RANBP2: variants seen among roughly 807,000 people sequenced by gnomAD.
RANBP2 encodes RAN binding protein 2, also known as E3 SUMO-protein ligase RanBP2.
RANBP2 carries 57 observed loss-of-function variants against 303.6 expected under a neutral mutation model. That is an observed-to-expected ratio of 0.19 (90% CI 0.15 to 0.23). The LOEUF (loss-of-function observed/expected upper bound fraction) is 0.23, where lower values mean the gene tolerates loss of function less well. Among genes scored for constraint, RANBP2 ranks in the 10% least tolerant of loss-of-function variants. The pLI, the probability that RANBP2 is intolerant of heterozygous loss-of-function variation, is 1.00. For missense variants in RANBP2, 3,138 were observed against 3,780.8 expected, an observed-to-expected ratio of 0.83 and a Z score of 4.46; for synonymous variants, 1,167 against 1,301.5, an observed-to-expected ratio of 0.90 and a Z score of 2.23.
the RANBP2 span, among the ~76,000 whole-genome samples, chr2:109,206,567 G>C: frequency 1.3e-5 from 2 of 149,920 alleles, no homozygotes; most frequent in African/African-American, 4.9e-5. Flanking sequence ...CCAGCAGTTT[G>C]GGAGGTCAAG....
chr2:108,939,272 C>T, the RANBP2 span, among the ~76,000 whole-genome samples: 9 of 152,030 alleles, frequency 5.9e-5, no homozygotes, highest in African/African-American at 1.4e-4. Flanking sequence ...CCGCAACCTC[C>T]GCCTCCCAGG....
At chr2:109,128,972 G>T in the RANBP2 span, 2 of 421,398 alleles carry the variant, frequency 4.7e-6, no homozygotes, top group African/African-American at 2.1e-5. Context: ...ACCTCCGCGC[G>T]CACCCCCGCG....
At chr2:108,887,209 C>A in the RANBP2 span, among the ~76,000 whole-genome samples, 1 of 151,724 alleles carries the variant, frequency 6.6e-6, no homozygotes, top group Non-Finnish European at 1.5e-5. Flanking sequence ...TGTCTTATTT[C>A]TGGTTTCTTT....
chr2:109,588,850 T>TAAAAAAAA, the RANBP2 span, among the ~76,000 whole-genome samples: 2 of 111,444 alleles, frequency 1.8e-5, no homozygotes, highest in Non-Finnish European at 3.6e-5. Flanking sequence ...CAATTACTAT[T>TAAAAAAAA]AAAAAAAAAA....
chr2:109,296,512 G>T, the RANBP2 span, among the ~76,000 whole-genome samples: 1 of 152,128 alleles, frequency 6.6e-6, no homozygotes, highest in Admixed American at 6.6e-5. Context: ...AAAATGCTGA[G>T]ATTACAGGTG....
chr2:109,144,104 G>T, the RANBP2 span, among the ~76,000 whole-genome samples: 2 of 152,204 alleles, frequency 1.3e-5, no homozygotes, highest in Non-Finnish European at 2.9e-5. Context: ...TAAGATGAAT[G>T]AATTCTGGAG....
the RANBP2 span, among the ~76,000 whole-genome samples, chr2:109,267,537 C>T: frequency 6.6e-6 from 1 of 152,168 alleles, no homozygotes; most frequent in Non-Finnish European, 1.5e-5. Flanking sequence ...CAGCCCCACT[C>T]CCTTCCAACA....
the RANBP2 span, among the ~76,000 whole-genome samples, chr2:109,406,309 T>G: frequency 0.011 from 1,610 of 152,292 alleles, 37 homozygotes; most frequent in African/African-American, 0.037. Context: ...GGGAAATGAT[T>G]GCTTACATTT....
At chr2:109,678,837 A>G in the RANBP2 span, among the ~76,000 whole-genome samples, 2 of 152,182 alleles carry the variant, frequency 1.3e-5, no homozygotes, top group Non-Finnish European at 2.9e-5. Context: ...AGAAGGCCCT[A>G]TGTGGCCGTA....
the RANBP2 span, among the ~76,000 whole-genome samples, chr2:109,731,102 A>T: frequency 6.6e-6 from 1 of 151,872 alleles, no homozygotes; most frequent in African/African-American, 2.4e-5. Context: ...GGCCTCTTTT[A>T]TAAGGGCAGT....
In RANBP2 at chr2:108,766,516, T is replaced by A. The variant is rs764514137; in HGVS notation, c.5977T>A (p.Ser1993Thr). ...YGKMANKANT[S>T]GDFEKDDDAY... is the part of the protein sequence containing the mutation. ...TAAAATGGCCAATAAAGCAAACACTTCCGGTGACTTTGAGAAAGATGATGA... is the reference window on the plus strand; with the variant it reads ...TAAAATGGCCAATAAAGCAAACACTACCGGTGACTTTGAGAAAGATGATGA... The change falls in exon 20 of 29, where the codon TCC becomes ACC. Residue 1993 changes from serine (S) to threonine (T), a missense_variant. Physicochemically the swap from Ser to Thr is moderately conservative, Grantham distance 58. Coordinates refer to ENST00000283195, the MANE Select transcript of RANBP2 (RefSeq NM_006267.5). 11 of 1,611,814 alleles carry A rather than the reference T, an allele frequency of 6.8e-6. No homozygotes were observed. The highest frequency in any genetic ancestry group is 2.5e-6 in the Non-Finnish European group (3 of 1,179,840).
the RANBP2 span, among the ~76,000 whole-genome samples, chr2:109,430,155 AAGG>A: frequency 4.6e-5 from 7 of 152,126 alleles, no homozygotes; most frequent in African/African-American, 1.7e-4. Flanking sequence ...AACCAACTAA[AAGG>A]AGCTGTTGGT....
At chr2:108,732,226 A>G (rs1355785321) in intron 4 of RANBP2, among the ~76,000 whole-genome samples, 1 of 152,066 alleles carries the variant, frequency 6.6e-6, no homozygotes. Flanking sequence ...ATAATTATAG[A>G]TTTTTTTGCA....
chr2:109,493,449 A>T, the RANBP2 span, among the ~76,000 whole-genome samples: 3 of 151,552 alleles, frequency 2.0e-5, no homozygotes, highest in Non-Finnish European at 4.4e-5. Flanking sequence ...ATGTGCAAAC[A>T]CACTCCACAT....
At chr2:108,854,804 A>G in the RANBP2 span, among the ~76,000 whole-genome samples, 1 of 152,198 alleles carries the variant, frequency 6.6e-6, no homozygotes, top group Non-Finnish European at 1.5e-5. Context: ...TAATTCACAC[A>G]GCATCATTTC....
the RANBP2 span, among the ~76,000 whole-genome samples, chr2:109,648,284 G>C: frequency 4.6e-5 from 7 of 152,188 alleles, no homozygotes; most frequent in Non-Finnish European, 8.8e-5. Context: ...GCCTGGCAGG[G>C]ATCTGTGGAC....
chr2:109,545,395 C>T, the RANBP2 span: 2 of 1,535,226 alleles, frequency 1.3e-6, no homozygotes, highest in African/African-American at 1.4e-5. Context: ...CCCAAACCTA[C>T]ACGCCTTGCG....
the RANBP2 span, among the ~76,000 whole-genome samples, chr2:109,674,354 G>C: frequency 7.4e-6 from 1 of 134,998 alleles, no homozygotes; most frequent in Admixed American, 8.9e-5. Flanking sequence ...CATGAAGATC[G>C]CTTGAGCTCA....
the RANBP2 span, among the ~76,000 whole-genome samples, chr2:109,056,735 G>A: frequency 6.6e-6 from 1 of 152,212 alleles, no homozygotes; most frequent in African/African-American, 2.4e-5. Flanking sequence ...TAAGAGTGAA[G>A]GTGTGGTTCA....
Sources: allele counts gnomAD v4.1 joint callset (sites outside exome capture counted in the v4.1 genomes callset), GRCh38; gene constraint gnomAD v4.1.1; transcripts MANE v1.5; gene names NCBI Gene and HGNC (gene_info 2026-07-23, HGNC 2026-07-21).